The following RNF43 variants were observed in gnomAD, a reference collection of about 807,000 sequenced individuals.
The protein encoded by RNF43 is E3 ubiquitin-protein ligase RNF43.
A neutral mutation model predicts 78.4 loss-of-function variants in RNF43; 37 were observed. That is an observed-to-expected ratio of 0.47 (90% confidence interval 0.36 to 0.62). The LOEUF is 0.62. Among genes scored for constraint, RNF43 ranks in the 20% least tolerant of loss-of-function variants. RNF43 has a pLI of 0.00. For synonymous variants in RNF43, 347 were observed against 395.0 expected (o/e 0.88, Z 1.44); for missense variants, 774 against 1,007.9 (o/e 0.77, Z 3.14).
rs573282862 is a variant in RNF43 at position 58,383,168 on chromosome 17, A to G, written c.253-12135T>C. 5.9e-5 allele frequency among the ~76,000 whole-genome samples: 9 copies of G among 152,340 alleles called. No individual in the cohort carries two copies. The East Asian group carries it at 1.7e-3, about 29-fold the overall frequency. On this transcript the variant is annotated intron_variant, in intron 2 of 9. Coordinates refer to ENST00000407977, the MANE Select transcript of RNF43 (RefSeq NM_017763.6). ...GCTTAGAATCAGTTCACTCTGGATA[A>G]TATTCCATATTTTTTCTGAGTGGGT... is the stretch of plus-strand genomic sequence containing the variant.
At chr17:58,396,030 A>G (rs1973672367) in intron 2 of RNF43, among the ~76,000 whole-genome samples, 1 of 152,150 alleles carries the variant, frequency 6.6e-6, no homozygotes, top group Non-Finnish European at 1.5e-5. Flanking sequence ...CTGTCTCCAG[A>G]GGAACAACAG....
intron 2 of RNF43, among the ~76,000 whole-genome samples, chr17:58,373,418 G>A (rs1457040648): frequency 1.3e-5 from 2 of 152,204 alleles, no homozygotes; most frequent in East Asian, 3.8e-4. Context: ...AACTATGGAA[G>A]AAGGAATGGA....
chr17:58,369,908 T>G (rs1194724858), intron 3 of RNF43, among the ~76,000 whole-genome samples: 1 of 152,086 alleles, frequency 6.6e-6, no homozygotes, highest in Non-Finnish European at 1.5e-5. Context: ...GGCAAAGGTC[T>G]AAAGGTCCTG....
In RNF43 at chr17:58,358,205, G is replaced by A. The variant is rs750204206; in HGVS notation, c.1571C>T (p.Pro524Leu). Residue 524 changes from proline to leucine, a missense_variant, in exon 9 of 10, where the codon CCT becomes CTT. Pro to Leu is a moderately conservative substitution (Grantham distance 98, BLOSUM62 -3). Coordinates refer to ENST00000407977, the MANE Select transcript of RNF43 (RefSeq NM_017763.6). This position sits in a 1 kb window ranked among gnomAD's most constrained non-coding sequence, Gnocchi z 6.2. ...KGDPQRVDMQ[P>L]SVTSRPRSLD... is the part of the protein sequence containing the mutation. ...GGAACGAGGCCGAGAGGTCACACTAGGCTGCATGTCCACTCGCTGGGGATC... is the reference window on the plus strand; with the variant it reads ...GGAACGAGGCCGAGAGGTCACACTAAGCTGCATGTCCACTCGCTGGGGATC... 6.2e-7 allele frequency: 1 copy of A among 1,613,448 alleles called. No homozygotes were observed. The highest frequency in any genetic ancestry group is 2.2e-5 in the East Asian group (1 of 44,856).
intron 2 of RNF43, among the ~76,000 whole-genome samples, chr17:58,414,252 A>G (rs1472467858): frequency 1.3e-5 from 2 of 152,226 alleles, no homozygotes; most frequent in African/African-American, 4.8e-5. Flanking sequence ...AAGTTCTATA[A>G]TCTGTTAAAT....
intron 6 of RNF43, among the ~76,000 whole-genome samples, chr17:58,361,889 T>G (rs1356618798): frequency 6.6e-6 from 1 of 152,166 alleles, no homozygotes; most frequent in African/African-American, 2.4e-5. Flanking sequence ...AATGCCATCT[T>G]CTCAATGTGG....
intron 2 of RNF43, among the ~76,000 whole-genome samples, chr17:58,408,158 T>C (rs1410409830): frequency 6.6e-6 from 1 of 152,248 alleles, no homozygotes; most frequent in Non-Finnish European, 1.5e-5. Context: ...AAATTTGTTT[T>C]GAGAATTTGG....
At chr17:58,376,268 T>A (rs963184155) in intron 2 of RNF43, among the ~76,000 whole-genome samples, 2 of 152,150 alleles carry the variant, frequency 1.3e-5, no homozygotes, top group African/African-American at 4.8e-5. Context: ...TATCTTGGTT[T>A]TCATAAAACT....
In RNF43 at chr17:58,357,630, C is replaced by T. The variant is rs2143388590; in HGVS notation, c.2146G>A (p.Gly716Ser). The change falls in exon 9 of 10, where the codon GGC becomes AGC. Residue 716 changes from glycine to serine, a missense_variant. Coordinates refer to ENST00000407977, the MANE Select transcript of RNF43 (RefSeq NM_017763.6). This position sits in a 1 kb window ranked among gnomAD's most constrained non-coding sequence, Gnocchi z 4.5. ...LDKRLLPETP[G>S]PCYSNSQPVW... ...GGCTGTGAATTTGAGTAACAGGGGC[C>T]TGGGGTTTCTGGTAGCAGCCTCTTG... 1.2e-6 allele frequency: 2 copies of T among 1,613,864 alleles called. No individual in the cohort carries two copies. Among genetic ancestry groups the T allele is most frequent in the South Asian group, 2.2e-5 (2 of 91,076 alleles).
At position 58,360,371 on chromosome 17, in the gene RNF43, C is replaced by T. The variant is rs1332862881; in HGVS notation, c.850-120G>A. 1 of 704,942 alleles carries T rather than the reference C, an allele frequency of 1.4e-6. No individual in the cohort carries two copies. The highest frequency in any genetic ancestry group is 2.5e-6 in the Non-Finnish European group (1 of 404,450). 43.7% of individuals were successfully genotyped at this position (704,942 alleles called of 1,614,324 possible). A position where few individuals can be genotyped will look rare whatever the true frequency, so the allele number is the denominator to read the frequency against. On this transcript the variant is annotated intron_variant, in intron 7 of 9. Coordinates refer to ENST00000407977, the MANE Select transcript of RNF43 (RefSeq NM_017763.6). The surrounding 1 kb of genome is among the most constrained non-coding windows in gnomAD (Gnocchi z 4.3). ...GCTATTATCTACTTGTAAAAGACCT[C>T]ACAGTAGAATAGGAATGGTATGAGC...
chr17:58,392,232 A>C (rs1973575487), intron 2 of RNF43, among the ~76,000 whole-genome samples: 1 of 152,210 alleles, frequency 6.6e-6, no homozygotes, highest in South Asian at 2.1e-4. Flanking sequence ...AAGTAGGGAG[A>C]GCTAAGAAAA....
chr17:58,367,579 A>C (rs1366727374), intron 3 of RNF43, among the ~76,000 whole-genome samples: 1 of 152,130 alleles, frequency 6.6e-6, no homozygotes, highest in African/African-American at 2.4e-5. Flanking sequence ...CTCCAGATCT[A>C]GCTCCTTCTA....
At chr17:58,366,097 A>T in intron 3 of RNF43, among the ~76,000 whole-genome samples, 1 of 152,234 alleles carries the variant, frequency 6.6e-6, no homozygotes, top group East Asian at 1.9e-4. Flanking sequence ...AGGCCCTCCA[A>T]AACAGCTCAT....
At chr17:58,373,672 CA>C (rs1448262657) in intron 2 of RNF43, among the ~76,000 whole-genome samples, 1 of 152,108 alleles carries the variant, frequency 6.6e-6, no homozygotes, top group East Asian at 1.9e-4. Context: ...ACAAACAATT[CA>C]ATTATACTCT....
Position 58,415,338 on chromosome 17 carries a change from TC to T in RNF43, c.239del (p.Gly80GlufsTer3). Reference sequence around the variant, plus strand: ...AAGTTATACTTGCCTGCATTAATTTTCCTTCTGCTGGAGTTATTTCAGCAAC... The same window carrying T: ...AAGTTATACTTGCCTGCATTAATTTTCTTCTGCTGGAGTTATTTCAGCAAC... ...AGVAEITPAE[G>X]KLMQSHPLYL... is the part of the protein sequence containing the mutation. On this transcript the variant is annotated frameshift_variant, in exon 2 of 10. Transcript: ENST00000407977. LOFTEE classifies it high-confidence loss of function. The T allele has an allele frequency of 6.2e-7, 1 of 1,614,236 alleles. No individual in the cohort carries two copies. The highest frequency in any genetic ancestry group is 8.5e-7 in the Non-Finnish European group (1 of 1,180,008).
intron 2 of RNF43, among the ~76,000 whole-genome samples, chr17:58,371,713 C>G (rs570796152): frequency 6.6e-6 from 1 of 152,328 alleles, no homozygotes; most frequent in East Asian, 1.9e-4. Context: ...TTTGACAGCT[C>G]ACCCTGGTCC....
At chr17:58,380,868 G>A (rs1973299543) in intron 2 of RNF43, among the ~76,000 whole-genome samples, 1 of 152,222 alleles carries the variant, frequency 6.6e-6, no homozygotes, top group Non-Finnish European at 1.5e-5. Context: ...TGCAAACTCT[G>A]CTCCATACTG....
At chr17:58,416,111 C>A in intron 1 of RNF43, 149 bp from the exon 2 acceptor site, 1 of 168,456 alleles carries the variant, frequency 5.9e-6, no homozygotes, top group Non-Finnish European at 1.3e-5. Context: ...CTAAATACCA[C>A]AAGGAGATTT....
Position 58,384,336 on chromosome 17 carries a change from G to A in RNF43, c.253-13303C>T, listed in dbSNP as rs114504832. Among the ~76,000 whole-genome samples, 862 of 152,278 alleles carry A rather than the reference G, an allele frequency of 5.7e-3. 4 individuals are homozygous for A. The highest frequency in any genetic ancestry group is 0.019 in the African/African-American group (801 of 41,556). ...GTAAGGGAAGTACTTAGAGAGTTAG[G>A]GAGGGGAGCCAAATTCCTGGGTTGA... On this transcript the variant is annotated intron_variant, in intron 2 of 9. Coordinates refer to ENST00000407977, the MANE Select transcript of RNF43 (RefSeq NM_017763.6).
Sources: allele counts gnomAD v4.1 joint callset (sites outside exome capture counted in the v4.1 genomes callset), GRCh38; gene constraint gnomAD v4.1.1; non-coding constraint Gnocchi (gnomAD v3.1); transcripts MANE v1.5; gene names NCBI Gene and HGNC (gene_info 2026-07-23, HGNC 2026-07-21).